Variants in FBN3 observed in about 807,000 individuals in gnomAD.
The protein encoded by FBN3 is fibrillin-3.
FBN3 carries 234 observed loss-of-function variants against 330.1 expected under a neutral mutation model. The ratio of observed to expected loss-of-function variants is 0.71; its 90% CI spans 0.64 to 0.79. FBN3 has a LOEUF of 0.79. Among genes scored for constraint, FBN3 ranks in the 30% least tolerant of loss-of-function variants. The pLI is 0.00. For synonymous variants in FBN3, 1,458 were observed against 1,517.3 expected, an observed-to-expected ratio of 0.96 and a Z score of 0.91; for missense variants, 3,606 against 3,886.9, an observed-to-expected ratio of 0.93 and a Z score of 1.92.
chr19:8,094,638 C>T lies in FBN3; in HGVS notation c.5786-73G>A, dbSNP rs1214266350. 2.0e-6 allele frequency: 3 copies of T among 1,521,086 alleles called. No individual in the cohort carries two copies. The African/African-American group carries it at 4.1e-5, about 21-fold the overall frequency. 94.2% of individuals were successfully genotyped at this position (1,521,086 alleles called of 1,614,324 possible). A position where few individuals can be genotyped will look rare whatever the true frequency, so the allele number is the denominator to read the frequency against. On this transcript the variant is annotated intron_variant, in intron 46 of 63. Coordinates refer to ENST00000600128, the MANE Select transcript of FBN3 (RefSeq NM_032447.5). The stretch of plus-strand genomic sequence containing the variant: ...GGCTCACTTGGGACTGGGACCAACA[C>T]CTGCAATCACTGTGTGATCACTGAG...
rs760907798 is a variant in FBN3, at chr19:8,087,107, G to A, written c.6724C>T (p.Pro2242Ser). Reference protein sequence around the residue: ...FACVCPPGMRPLPGSGEGCTD... With the variant: ...FACVCPPGMRSLPGSGEGCTD... ...CAGCCCTCCCCAGAGCCAGGCAGGGGCCGCATGCCTGGGGGACAGACGCAC... is the reference window on the plus strand; with the variant it reads ...CAGCCCTCCCCAGAGCCAGGCAGGGACCGCATGCCTGGGGGACAGACGCAC... Residue 2242 changes from proline (P) to serine (S), a missense_variant, in exon 54 of 64, where the codon CCC (proline) becomes TCC (serine). Transcript: ENST00000600128. 1.2e-6 allele frequency: 2 copies of A among 1,610,010 alleles called. No homozygotes were observed. The highest frequency in any genetic ancestry group is 2.2e-5 in the East Asian group (1 of 44,672).
chr19:8,136,087 C>G lies in FBN3; in HGVS notation c.1466-1G>C. ...CCACTGACAATGCACTCGTCCACAT[C>G]TGCGGGGAAGGCAGGCGGGCAGTCA... On this transcript the variant is annotated splice_acceptor_variant, in intron 12 of 63. Transcript: ENST00000600128. LOFTEE classifies it high-confidence loss of function. 1.2e-6 allele frequency: 2 copies of G among 1,613,922 alleles called. No individual in the cohort carries two copies. The highest frequency in any genetic ancestry group is 2.2e-5 in the East Asian group (1 of 44,878).
intron 48 of FBN3, 22 bp downstream of exon 48, chr19:8,091,443 C>T (rs1467325566): frequency 6.2e-7 from 1 of 1,613,532 alleles, no homozygotes; most frequent in South Asian, 1.1e-5. Flanking sequence ...CACCCTCTTC[C>T]CTAAGCCCTG....
rs145427911 is a variant in FBN3, at chr19:8,111,093, C to G, written c.4175G>C (p.Gly1392Ala). Reference sequence around the variant, plus strand: ...CCGGTGGTCCTCGGTGGGGTCAAAGCCCATCTCACATTCACAGCGGTACCC... The same window carrying G: ...CCGGTGGTCCTCGGTGGGGTCAAAGGCCATCTCACATTCACAGCGGTACCC... ...PGGYRCECEM[G>A]FDPTEDHRAC... The change falls in exon 33 of 64, where the codon GGC becomes GCC. Residue 1392 changes from glycine to alanine, a missense_variant. Physicochemically the swap from Gly to Ala is moderately conservative, Grantham distance 60. Coordinates refer to ENST00000600128, the MANE Select transcript of FBN3 (RefSeq NM_032447.5). 1.7e-4 allele frequency: 267 copies of G among 1,613,568 alleles called. No individual in the cohort carries two copies. In the African/African-American group the frequency reaches 3.2e-3, roughly 19 times the overall value.
intron 46 of FBN3, among the ~76,000 whole-genome samples, chr19:8,094,892 C>A (rs926564387): frequency 6.6e-6 from 1 of 152,172 alleles, no homozygotes; most frequent in South Asian, 2.1e-4. Flanking sequence ...TGGAAAGTTA[C>A]ATTTTCAAGA....
intron 41 of FBN3, 93 bp downstream of exon 41, chr19:8,100,808 G>T (rs2082311331): frequency 1.1e-6 from 1 of 949,792 alleles, no homozygotes; most frequent in Non-Finnish European, 1.7e-6. Context: ...AGGAGTGGAT[G>T]TAAGGAAAAG....
At position 8,078,919 on chromosome 19, in the gene FBN3, C is replaced by G. The variant is rs181182690; in HGVS notation, c.7453+2084G>C. ...ACCTCAGCCTCCTAAGTAGCTAAGA[C>G]TACAGGCAGGTGTCACCACCTCTAG... is the stretch of plus-strand genomic sequence containing the variant. On this transcript the variant is annotated intron_variant, in intron 59 of 63. Transcript: ENST00000600128. 2.9e-3 allele frequency among the ~76,000 whole-genome samples: 439 copies of G among 151,892 alleles called. 3 individuals are homozygous for G. Among genetic ancestry groups the G allele is most frequent in the Non-Finnish European group, 4.3e-3 (290 of 67,970 alleles).
rs1237931702 is a variant in FBN3, at chr19:8,111,640, A to G, written c.4084+8T>C. The G allele has an allele frequency of 5.2e-6, 8 of 1,548,970 alleles. No homozygotes were observed. Among genetic ancestry groups the G allele is most frequent in the Non-Finnish European group, 7.0e-6 (8 of 1,138,146 alleles). Reference sequence around the variant, plus strand: ...AGGGCCCCTGCCCTCCCACCCCTCTAATCTCACCTTCGCAGAAGAAGCCAT... The same window carrying G: ...AGGGCCCCTGCCCTCCCACCCCTCTGATCTCACCTTCGCAGAAGAAGCCAT... On this transcript the variant is annotated splice_region_variant and intron_variant, in intron 32 of 63. Transcript: ENST00000600128.
At position 8,149,022 on chromosome 19, in the gene FBN3, CACACCCTGG is replaced by C. The variant is rs1225306226; in HGVS notation, c.-18+418_-18+426del. Among the ~76,000 whole-genome samples, 1 of 152,212 alleles carries C rather than the reference CACACCCTGG, an allele frequency of 6.6e-6. No homozygotes were observed. Among genetic ancestry groups the C allele is most frequent in the Non-Finnish European group, 1.5e-5 (1 of 68,030 alleles). ...CCTACACACCGCTGCTTCTGCGAGC[CACACCCTGG>C]AGTTTGTGGAATGAATGAGCAGAGA... On this transcript the variant is annotated intron_variant, in intron 1 of 63. Transcript: ENST00000600128. The surrounding 1 kb of genome is among the most constrained non-coding windows in gnomAD (Gnocchi z 5.5).
At chr19:8,135,936 G>GTCCC in intron 13 of FBN3, 25 bp downstream of exon 13, 37 of 668,762 alleles carry the variant, frequency 5.5e-5, no homozygotes, top group South Asian at 2.1e-4. Flanking sequence ...GGAAGCCCCT[G>GTCCC]CCCACCCGCC....
chr19:8,104,939 C>T (rs1341913485), intron 38 of FBN3, among the ~76,000 whole-genome samples: 1 of 145,750 alleles, frequency 6.9e-6, no homozygotes, highest in African/African-American at 2.8e-5. Context: ...TTCTTTCTCT[C>T]TCTTTCTCTC....
At chr19:8,114,449 A>G (rs552158174) in intron 30 of FBN3, among the ~76,000 whole-genome samples, 4 of 152,054 alleles carry the variant, frequency 2.6e-5, no homozygotes, top group Non-Finnish European at 4.4e-5. Flanking sequence ...GGGTTTCACC[A>G]TGTTGGCCAG....
intron 29 of FBN3, 109 bp downstream of exon 29, chr19:8,116,565 G>A: frequency 1.7e-6 from 2 of 1,172,206 alleles, no homozygotes; most frequent in Non-Finnish European, 2.5e-6. Context: ...AATGGCAGGG[G>A]TGGGGCCTGG....
intron 37 of FBN3, 81 bp downstream of exon 37, chr19:8,108,089 T>G: frequency 2.3e-6 from 3 of 1,290,318 alleles, no homozygotes; most frequent in Non-Finnish European, 3.3e-6. Context: ...ACTACTCAAC[T>G]CTACACTTTG....
chr19:8,103,028 A>T (rs1314904619), intron 39 of FBN3, among the ~76,000 whole-genome samples, 155 bp from the exon 40 acceptor site: 1 of 152,046 alleles, frequency 6.6e-6, no homozygotes, highest in Admixed American at 6.6e-5. Context: ...GCACTTTGGG[A>T]GGCGGAGGCG....
At position 8,102,775 on chromosome 19, in the gene FBN3, T is replaced by C; in HGVS notation, c.5038A>G (p.Ile1680Val). The change falls in exon 40 of 64, where the codon ATT becomes GTT. Residue 1680 changes from isoleucine (I) to valine (V), a missense_variant. By Grantham distance (29) the Ile-to-Val change is conservative. Coordinates refer to ENST00000600128, the MANE Select transcript of FBN3 (RefSeq NM_032447.5). The part of the protein sequence containing the change: ...TRKMCCCSYN[I>V]GQAWNRPCEA... Reference sequence around the variant, plus strand: ...CAGGGTCTATTCCAGGCCTGGCCAATGTTGTAGGAGCAGCAACACATTTTC... The same window carrying C: ...CAGGGTCTATTCCAGGCCTGGCCAACGTTGTAGGAGCAGCAACACATTTTC... 1 of 1,614,050 alleles carries C rather than the reference T, an allele frequency of 6.2e-7. No homozygotes were observed. The highest frequency in any genetic ancestry group is 8.5e-7 in the Non-Finnish European group (1 of 1,180,000).
In FBN3 at chr19:8,131,908, C is replaced by T; in HGVS notation, c.1715-79G>A. The T allele has an allele frequency of 7.2e-7, 1 of 1,397,140 alleles. No individual in the cohort carries two copies. Among genetic ancestry groups the T allele is most frequent in the Non-Finnish European group, 9.4e-7 (1 of 1,061,568 alleles). 86.5% of individuals were successfully genotyped at this position (1,397,140 alleles called of 1,614,324 possible). ...TCCCCTCCCCATCTCCCAACATTTCCATCTTCCCAGCCATTCTATTTCTTT... is the reference window on the plus strand; with the variant it reads ...TCCCCTCCCCATCTCCCAACATTTCTATCTTCCCAGCCATTCTATTTCTTT... On this transcript the variant is annotated intron_variant, in intron 14 of 63. Coordinates refer to ENST00000600128, the MANE Select transcript of FBN3 (RefSeq NM_032447.5). The surrounding 1 kb of genome is among the most constrained non-coding windows in gnomAD (Gnocchi z 4.5).
At chr19:8,091,143 G>T (rs977532535) in intron 48 of FBN3, among the ~76,000 whole-genome samples, 1 of 152,164 alleles carries the variant, frequency 6.6e-6, no homozygotes, top group African/African-American at 2.4e-5. Flanking sequence ...CAGCTGAAAC[G>T]GAGCCAGCCC....
intron 16 of FBN3, among the ~76,000 whole-genome samples, chr19:8,130,635 A>AGG (rs764420258): frequency 2.0e-4 from 1 of 4,898 alleles, no homozygotes; most frequent in Non-Finnish European, 3.3e-4. Flanking sequence ...AAAGAAAGAA[A>AGG]GAAAGAAAGG....
Sources: allele counts gnomAD v4.1 joint callset (sites outside exome capture counted in the v4.1 genomes callset), GRCh38; gene constraint gnomAD v4.1.1; non-coding constraint Gnocchi (gnomAD v3.1); transcripts MANE v1.5; gene names NCBI Gene and HGNC (gene_info 2026-07-23, HGNC 2026-07-21).